SPATA18: variants seen among roughly 807,000 people sequenced by gnomAD.
SPATA18 encodes spermatogenesis associated 18, also known as mitochondria-eating protein.
In SPATA18, 54 loss-of-function variants were observed where a neutral mutation model predicts 68.1. The ratio of observed to expected loss-of-function variants is 0.79; its 90% CI spans 0.64 to 0.99. SPATA18 has a LOEUF of 0.99. SPATA18 is among the 50% of genes least tolerant of loss of function. The pLI, the probability that SPATA18 is intolerant of heterozygous loss-of-function variation, is 0.00. For synonymous variants in SPATA18, 242 were observed against 244.8 expected, an observed-to-expected ratio of 0.99 and a Z score of 0.11; for missense variants, 724 against 681.1, an observed-to-expected ratio of 1.06 and a Z score of -0.70.
intron 3 of SPATA18, among the ~76,000 whole-genome samples, chr4:52,062,008 C>G (rs1738895644): frequency 6.6e-6 from 1 of 152,142 alleles, no homozygotes; most frequent in African/African-American, 2.4e-5. Context: ...TCAGACATCT[C>G]CATCACTCTA....
chr4:52,053,357 C>A (rs1578139371), intron 1 of SPATA18, among the ~76,000 whole-genome samples: 1 of 152,170 alleles, frequency 6.6e-6, no homozygotes, highest in African/African-American at 2.4e-5. Context: ...GCTGCACTCA[C>A]AGCCACCAGT....
intron 10 of SPATA18, chr4:52,083,044 G>A: frequency 1.0e-6 from 1 of 985,352 alleles, no homozygotes. Flanking sequence ...ATATCCATTG[G>A]TTATAGAATG....
rs759344492 is a variant in SPATA18, at chr4:52,078,810, G to C, written c.1096G>C (p.Val366Leu). Residue 366 changes from valine to leucine, a missense_variant, in exon 8 of 13, where the codon GTG (valine) becomes CTG (leucine). Val to Leu is a conservative substitution (Grantham distance 32). Transcript: ENST00000295213. The part of the protein sequence containing the change: ...HVRKSLTPSY[V>L]GSNDFENAVL... ...GAGAAAATCGTTGACACCATCTTAT[G>C]TGGGGTCGAATGACTTTGAGAATGC... The C allele has an allele frequency of 6.2e-7, 1 of 1,609,862 alleles. No homozygotes were observed. Among genetic ancestry groups the C allele is most frequent in the Non-Finnish European group, 8.5e-7 (1 of 1,176,530 alleles).
Position 52,095,075 on chromosome 4 carries a change from C to T in SPATA18, c.*188C>T, listed in dbSNP as rs1044587127. Reference sequence around the variant, plus strand: ...TTTGTAACTTTAGATATATTGCATTCTATTTTATTTTATAGATACTAATTC... The same window carrying T: ...TTTGTAACTTTAGATATATTGCATTTTATTTTATTTTATAGATACTAATTC... On this transcript the variant is annotated 3_prime_UTR_variant, in exon 13 of 13. Transcript: ENST00000295213. 3.2e-6 allele frequency: 2 copies of T among 622,406 alleles called. No individual in the cohort carries two copies. Among genetic ancestry groups the T allele is most frequent in the Admixed American group, 5.8e-5 (2 of 34,322 alleles). The allele number at this position is 622,406 out of a possible 1,614,324, so 38.6% of individuals were successfully genotyped here.
intron 11 of SPATA18, among the ~76,000 whole-genome samples, chr4:52,088,108 T>C (rs1741594378): frequency 6.6e-6 from 1 of 152,238 alleles, no homozygotes; most frequent in African/African-American, 2.4e-5. Context: ...TTGTGATTTT[T>C]GCATGTTGAT....
At chr4:52,064,185 A>ATATG (rs1231132268) in intron 4 of SPATA18, among the ~76,000 whole-genome samples, 1 of 147,822 alleles carries the variant, frequency 6.8e-6, no homozygotes, top group Non-Finnish European at 1.5e-5. Flanking sequence ...TTCTCTTTCT[A>ATATG]TATATATATA....
intron 1 of SPATA18, among the ~76,000 whole-genome samples, chr4:52,058,281 A>G (rs1398326595): frequency 6.6e-6 from 1 of 151,778 alleles, no homozygotes; most frequent in East Asian, 1.9e-4. Flanking sequence ...ATCATTTTTA[A>G]AAAGAACTCA....
At chr4:52,076,598 T>G (rs1339850269) in intron 6 of SPATA18, among the ~76,000 whole-genome samples, 181 bp from the exon 7 acceptor site, 10 of 152,164 alleles carry the variant, frequency 6.6e-5, no homozygotes, top group Non-Finnish European at 1.2e-4. Context: ...TATAAATTTT[T>G]GGGACAGAAG....
rs1742488817 is a variant in SPATA18 at position 52,097,093 on chromosome 4, C to T, written c.*2206C>T. 6.6e-6 allele frequency: 1 copy of T among 152,142 alleles called. No individual in the cohort carries two copies. Among genetic ancestry groups the T allele is most frequent in the African/African-American group, 2.4e-5 (1 of 41,434 alleles). The allele number at this position is 152,142 out of a possible 1,614,324, so 9.4% of individuals were successfully genotyped here. A position where few individuals can be genotyped will look rare whatever the true frequency, so the allele number is the denominator to read the frequency against. Reference sequence around the variant, plus strand: ...CTGGAAAATTTTTGGAAAGAATCCACAAAGCCAAAGGAGACTGGCCTATAC... The same window carrying T: ...CTGGAAAATTTTTGGAAAGAATCCATAAAGCCAAAGGAGACTGGCCTATAC... On this transcript the variant is annotated 3_prime_UTR_variant, in exon 13 of 13. Coordinates refer to ENST00000295213, the MANE Select transcript of SPATA18 (RefSeq NM_145263.4).
chr4:52,065,260 T>C (rs1439438901), intron 4 of SPATA18, among the ~76,000 whole-genome samples: 6 of 152,212 alleles, frequency 3.9e-5, no homozygotes, highest in Non-Finnish European at 7.3e-5. Context: ...TTTTGTTTCT[T>C]TGTTTCTTCT....
intron 9 of SPATA18, among the ~76,000 whole-genome samples, chr4:52,080,347 A>G (rs907041100): frequency 3.3e-5 from 5 of 152,230 alleles, no homozygotes; most frequent in Non-Finnish European, 7.3e-5. Context: ...AGTCTAAGAC[A>G]GGGCTCAGGA....
chr4:52,069,717 T>C, intron 4 of SPATA18, 104 bp from the exon 5 acceptor site: 1 of 619,740 alleles, frequency 1.6e-6, no homozygotes, highest in Non-Finnish European at 2.5e-6. Context: ...TTGTTTATGT[T>C]GAACTATGTC....
intron 1 of SPATA18, among the ~76,000 whole-genome samples, chr4:52,060,186 A>G (rs1382199755): frequency 6.6e-6 from 1 of 152,208 alleles, no homozygotes; most frequent in East Asian, 1.9e-4. Flanking sequence ...CTTCCCATCC[A>G]GTTAACCAGA....
chr4:52,053,644 C>T (rs1277021283), intron 1 of SPATA18, among the ~76,000 whole-genome samples: 1 of 152,154 alleles, frequency 6.6e-6, no homozygotes, highest in Non-Finnish European at 1.5e-5. Flanking sequence ...TAGCCTCTCC[C>T]ATGCCCCAAC....
intron 1 of SPATA18, among the ~76,000 whole-genome samples, chr4:52,059,309 G>A (rs1462351279): frequency 3.9e-5 from 6 of 152,196 alleles, no homozygotes; most frequent in African/African-American, 1.2e-4. Context: ...ACCAAGGACC[G>A]ATGCCTTATT....
Position 52,060,539 on chromosome 4 carries a change from T to C in SPATA18, c.193+15T>C. The C allele has an allele frequency of 6.2e-7, 1 of 1,605,004 alleles. No homozygotes were observed. On this transcript the variant is annotated intron_variant, in intron 2 of 12. Coordinates refer to ENST00000295213, the MANE Select transcript of SPATA18 (RefSeq NM_145263.4). ...AGCCCAAGAAGGTGAGAATGGCCTG[T>C]AATTTCCCATCCAGTTCTGCTTGCC...
chr4:52,064,811 T>A (rs1172902848), intron 4 of SPATA18, among the ~76,000 whole-genome samples: 1 of 152,216 alleles, frequency 6.6e-6, no homozygotes, highest in African/African-American at 2.4e-5. Flanking sequence ...GATTGCTGGA[T>A]CAAATTGTAG....
chr4:52,077,057 G>A lies in SPATA18; in HGVS notation c.1020+17G>A, dbSNP rs372454659. ...GCCACAGTGGTATGTGACGCCTGCGGGACTCCCGGCTCCTTAGGGCAGCCG... is the reference window on the plus strand; with the variant it reads ...GCCACAGTGGTATGTGACGCCTGCGAGACTCCCGGCTCCTTAGGGCAGCCG... On this transcript the variant is annotated intron_variant, in intron 7 of 12. Transcript: ENST00000295213. The A allele has an allele frequency of 4.4e-6, 7 of 1,579,658 alleles. No homozygotes were observed. Among genetic ancestry groups the A allele is most frequent in the Non-Finnish European group, 6.0e-6 (7 of 1,161,516 alleles).
At chr4:52,093,546 C>T (rs115789815) in intron 11 of SPATA18, among the ~76,000 whole-genome samples, 197 of 152,172 alleles carry the variant, frequency 1.3e-3, no homozygotes, top group African/African-American at 4.5e-3. Flanking sequence ...AAAAGCAAAA[C>T]AATAGTGCAC....
Sources: allele counts gnomAD v4.1 joint callset (sites outside exome capture counted in the v4.1 genomes callset), GRCh38; gene constraint gnomAD v4.1.1; transcripts MANE v1.5; gene names NCBI Gene and HGNC (gene_info 2026-07-23, HGNC 2026-07-21).